The following ZNF208 variants were observed in gnomAD, a reference collection of about 807,000 sequenced individuals.
ZNF208 encodes the protein zinc finger protein 95.
Under a neutral mutation model 12.1 loss-of-function variants are expected in ZNF208, and 10 were observed. The observed-to-expected ratio is 0.83, with a 90% CI of 0.51 to 1.40. The LOEUF is 1.40. Ranked by LOEUF, ZNF208 falls within the 40% of genes most tolerant of loss-of-function variation. The probability of loss-of-function intolerance (pLI) is 0.00; values close to 1 mark genes in which losing one functional copy is unlikely to be tolerated. For synonymous variants in ZNF208, 497 were observed against 488.4 expected, an observed-to-expected ratio of 1.02 and a Z score of -0.23; for missense variants, 1,652 against 1,485.0, an observed-to-expected ratio of 1.11 and a Z score of -1.85.
Position 21,973,642 on chromosome 19 carries a change from C to A in ZNF208, c.1392G>T (p.Met464Ile). The part of the protein sequence containing the change: ...KCEECGKGFS[M>I]FSILTKHKVI... ...CCTTATGTTTAGTAAGGATTGAGAACATACTAAAGCCTTTGCCACATTCTT... is the reference window on the plus strand; with the variant it reads ...CCTTATGTTTAGTAAGGATTGAGAAAATACTAAAGCCTTTGCCACATTCTT... The change falls in exon 4 of 4, where the codon ATG becomes ATT. Residue 464 changes from methionine (M) to isoleucine (I), a missense_variant. By Grantham distance (10) the Met-to-Ile change is conservative. This residue lies in a region of ZNF208 where 1,239 missense variants were observed against 1,086.2 expected (regional missense o/e 1.14). Transcript: ENST00000397126. The A allele has an allele frequency of 1.2e-6, 2 of 1,609,542 alleles. No homozygotes were observed. Among genetic ancestry groups the A allele is most frequent in the Non-Finnish European group, 1.7e-6 (2 of 1,178,002 alleles).
intron 1 of ZNF208, among the ~76,000 whole-genome samples, chr19:22,001,564 C>G (rs1321742425): frequency 6.6e-6 from 1 of 152,046 alleles, no homozygotes; most frequent in African/African-American, 2.4e-5. Flanking sequence ...AAGGCAACTT[C>G]AGGCCAATAT....
intron 1 of ZNF208, chr19:21,998,108 C>A: frequency 6.9e-6 from 1 of 144,320 alleles, no homozygotes; most frequent in Non-Finnish European, 1.5e-5. Flanking sequence ...AAAGGGGGCA[C>A]ATTCTCAGCA....
intron 3 of ZNF208, among the ~76,000 whole-genome samples, chr19:21,981,844 A>G (rs4290587): frequency 0.78 from 118,716 of 152,142 alleles, 47,035 homozygotes; most frequent in African/African-American, 0.92. Flanking sequence ...CTAAATGGAT[A>G]AGCAACTTCA....
intron 4 of ZNF208, among the ~76,000 whole-genome samples, chr19:21,958,350 G>C (rs1424088856): frequency 1.3e-5 from 2 of 152,110 alleles, no homozygotes; most frequent in Non-Finnish European, 2.9e-5. Flanking sequence ...AGATAGGGAT[G>C]GGTAATGTAA....
intron 4 of ZNF208, among the ~76,000 whole-genome samples, chr19:21,960,903 C>T (rs1323310156): frequency 6.6e-6 from 1 of 152,150 alleles, no homozygotes; most frequent in African/African-American, 2.4e-5. Context: ...GAAAAGAAAG[C>T]AACCCTATTC....
At chr19:21,959,585 C>T (rs1200856334) in intron 4 of ZNF208, among the ~76,000 whole-genome samples, 3 of 152,082 alleles carry the variant, frequency 2.0e-5, no homozygotes, top group Non-Finnish European at 2.9e-5. Flanking sequence ...GTTTTTCAGG[C>T]AGTAAAAATG....
chr19:21,976,938 A>G lies in ZNF208; in HGVS notation c.227-2131T>C, dbSNP rs868222064. 1.3e-4 allele frequency among the ~76,000 whole-genome samples: 20 copies of G among 152,384 alleles called. No individual in the cohort carries two copies. The Middle Eastern group carries it at 0.01, about 78-fold the overall frequency. ...TTGAAACCTAATGTTAAAAAGACTC[A>G]AAGTGGCAAGATGGAAGTAGACATT... is the stretch of plus-strand genomic sequence containing the variant. On this transcript the variant is annotated intron_variant, in intron 3 of 3. Transcript: ENST00000397126.
intron 3 of ZNF208, among the ~76,000 whole-genome samples, chr19:21,979,781 C>T (rs1230480358): frequency 6.6e-6 from 1 of 152,162 alleles, no homozygotes; most frequent in Non-Finnish European, 1.5e-5. Flanking sequence ...AAGACACAGA[C>T]TGGCAAATTG....
intron 1 of ZNF208, among the ~76,000 whole-genome samples, chr19:22,004,446 G>C (rs1258294849): frequency 6.6e-6 from 1 of 152,202 alleles, no homozygotes; most frequent in South Asian, 2.1e-4. Flanking sequence ...CTGGGAGGTA[G>C]AGGTTGCAAT....
At chr19:21,953,071 T>C (rs1051959387) in intron 4 of ZNF208, among the ~76,000 whole-genome samples, 9 of 152,034 alleles carry the variant, frequency 5.9e-5, no homozygotes, top group African/African-American at 2.2e-4. Flanking sequence ...TACCAGTGAT[T>C]GAAGATCAAA....
rs7252377 is a variant in ZNF208 at position 21,980,499 on chromosome 19, T to C, written c.227-5692A>G. ...GTAAATAATAAAATGAAGGCAGAAA[T>C]AAAAAAGTTCTTTGAAACCAACAGG... On this transcript the variant is annotated intron_variant, in intron 3 of 3. Transcript: ENST00000397126. Among the ~76,000 whole-genome samples, 1,357 of 151,978 alleles carry C rather than the reference T, an allele frequency of 8.9e-3. 22 individuals are homozygous for C. The highest frequency in any genetic ancestry group is 0.032 in the African/African-American group (1,308 of 41,488).
In ZNF208 at chr19:21,971,492, A is replaced by G. The variant is rs766173164; in HGVS notation, c.3542T>C (p.Phe1181Ser). ...TACCTTATGTTTTGCAAGGATTGAGAACATAACAAAGCCTTTGCCACATTC... is the reference window on the plus strand; with the variant it reads ...TACCTTATGTTTTGCAAGGATTGAGGACATAACAAAGCCTTTGCCACATTC... The part of the protein sequence containing the change: ...CEECGKGFVM[F>S]SILAKHKVIH... Residue 1181 changes from phenylalanine (F) to serine (S), a missense_variant, in exon 4 of 4, where the codon TTC becomes TCC. Coordinates refer to ENST00000397126, the MANE Select transcript of ZNF208 (RefSeq NM_007153.3). 3.1e-6 allele frequency: 5 copies of G among 1,610,400 alleles called. No individual in the cohort carries two copies. The South Asian group carries it at 5.5e-5, about 18-fold the overall frequency.
In ZNF208 at chr19:21,973,394, T is replaced by A. The variant is rs537603131; in HGVS notation, c.1640A>T (p.His547Leu). The A allele has an allele frequency of 1.9e-6, 3 of 1,612,094 alleles. No homozygotes were observed. Among genetic ancestry groups the A allele is most frequent in the Non-Finnish European group, 2.5e-6 (3 of 1,179,882 alleles). Residue 547 changes from histidine to leucine, a missense_variant, in exon 4 of 4, where the codon CAT becomes CTT. Physicochemically the swap from His to Leu is moderately conservative, Grantham distance 99. This residue lies in a region of ZNF208 where 1,239 missense variants were observed against 1,086.2 expected (regional missense o/e 1.14). Transcript: ENST00000397126. ...FSILTKHKVI[H>L]TGEKPYKCEE... ...ACATTTGTAGGGTTTCTCTCCAGTA[T>A]GAATTACCTTATGTTTAGTAAGGAT...
At chr19:21,997,891 C>T (rs1188678507) in intron 1 of ZNF208, 1 of 152,058 alleles carries the variant, frequency 6.6e-6, no homozygotes, top group Non-Finnish European at 1.5e-5. Context: ...CTCAAACAGA[C>T]ACACAATGCA....
downstream of ZNF208, among the ~76,000 whole-genome samples, chr19:21,963,477 A>C (rs1320595026): frequency 6.6e-6 from 1 of 152,048 alleles, no homozygotes; most frequent in East Asian, 1.9e-4. Context: ...AGAATTTTCC[A>C]TTTTTAGTAT....
intron 3 of ZNF208, among the ~76,000 whole-genome samples, chr19:21,977,940 C>T (rs1970463567): frequency 6.6e-6 from 1 of 152,134 alleles, no homozygotes; most frequent in South Asian, 2.1e-4. Flanking sequence ...GCAGCTTTAC[C>T]CTCAGAGTAT....
At chr19:21,997,910 A>C (rs1049974666) in intron 1 of ZNF208, 2 of 152,110 alleles carry the variant, frequency 1.3e-5, no homozygotes, top group African/African-American at 4.8e-5. Flanking sequence ...CATTAGAGAG[A>C]AAAAACTGCT....
At position 21,972,838 on chromosome 19, in the gene ZNF208, T is replaced by G. The variant is rs758606933; in HGVS notation, c.2196A>C (p.Thr732=). The G allele has an allele frequency of 6.2e-7, 1 of 1,608,104 alleles. No individual in the cohort carries two copies. The highest frequency in any genetic ancestry group is 8.5e-7 in the Non-Finnish European group (1 of 1,178,302). ...KCEECGKSFS[T]FSVLTKHKVI... ...CCTTATGTTTAGTAAGGACTGAGAA[T>G]GTACTAAAGCTTTTGCCACATTCTT... Residue 732 remains threonine (T), a synonymous_variant, in exon 4 of 4, where the codon ACA becomes ACC. Transcript: ENST00000397126.
intron 3 of ZNF208, among the ~76,000 whole-genome samples, chr19:21,984,851 C>A (rs1970607844): frequency 1.3e-5 from 2 of 152,014 alleles, no homozygotes; most frequent in African/African-American, 2.4e-5. Flanking sequence ...AAAGACATTC[C>A]AAGCCACAGA....
Sources: gnomAD v4.1 joint callset for allele counts (sites outside exome capture counted in the v4.1 genomes callset) on GRCh38, gnomAD v4.1.1 for gene constraint, gnomAD v4.1.1 regional missense constraint, MANE v1.5 for transcripts, NCBI Gene and HGNC (gene_info 2026-07-23, HGNC 2026-07-21) for gene names.